Variants in CDKL4 observed in about 807,000 individuals in gnomAD.
The protein encoded by CDKL4 is cyclin dependent kinase like 4, also known as cyclin-dependent kinase-like 4.
A neutral mutation model predicts 42.0 loss-of-function variants in CDKL4; 44 were observed. The observed-to-expected ratio is 1.05, with a 90% CI of 0.82 to 1.35. The LOEUF is 1.35. Among genes scored for constraint, CDKL4 ranks in the 40% most tolerant of loss-of-function variants. The pLI is 0.00. For missense variants in CDKL4, 393 were observed against 369.9 expected, an observed-to-expected ratio of 1.06 and a Z score of -0.51; for synonymous variants, 120 against 121.6, an observed-to-expected ratio of 0.99 and a Z score of 0.09.
rs772768569 is a variant in CDKL4, at chr2:39,187,725, C to T, written c.653-16G>A. On this transcript the variant is annotated splice_polypyrimidine_tract_variant and intron_variant, in intron 6 of 9. Coordinates refer to ENST00000451199, the Ensembl canonical transcript of CDKL4. ...ATTAATTTTCCTGTAAAATACAAAC[C>T]ACATAATTCATCATAAATTTGGCAA... 6.5e-7 allele frequency: 1 copy of T among 1,546,038 alleles called. No individual in the cohort carries two copies. Among genetic ancestry groups the T allele is most frequent in the Non-Finnish European group, 8.9e-7 (1 of 1,121,116 alleles).
At chr2:39,179,930 G>C (rs770367544) in intron 8 of CDKL4, among the ~76,000 whole-genome samples, 7 of 152,252 alleles carry the variant, frequency 4.6e-5, no homozygotes, top group Non-Finnish European at 1.0e-4. Flanking sequence ...GTGACATTAT[G>C]ACCCTTCTAT....
At chr2:39,238,955 T>C (rs1216768104) in intron 1 of CDKL4, among the ~76,000 whole-genome samples, 1 of 152,240 alleles carries the variant, frequency 6.6e-6, no homozygotes, top group Non-Finnish European at 1.5e-5. Context: ...TTTCACCATG[T>C]TGGCCAGGCT....
intron 6 of CDKL4, among the ~76,000 whole-genome samples, chr2:39,188,016 T>C (rs1421938684): frequency 6.6e-6 from 1 of 150,614 alleles, no homozygotes; most frequent in East Asian, 2.0e-4. Context: ...TGCAGTGAGC[T>C]GAGATCATGC....
downstream of CDKL4, among the ~76,000 whole-genome samples, chr2:39,173,278 G>C (rs576174959): frequency 6.6e-5 from 10 of 152,276 alleles, no homozygotes; most frequent in Non-Finnish European, 1.5e-4. Flanking sequence ...TAATAAGAAG[G>C]CTTAAATGAA....
intron 5 of CDKL4, among the ~76,000 whole-genome samples, chr2:39,197,604 T>C (rs572696749): frequency 2.4e-4 from 36 of 152,312 alleles, no homozygotes; most frequent in Non-Finnish European, 4.1e-4. Flanking sequence ...CATCAGGTAC[T>C]ATAAAGGAAA....
chr2:39,190,610 C>A, intron 5 of CDKL4, 108 bp from the exon 6 acceptor site: 1 of 863,464 alleles, frequency 1.2e-6, no homozygotes, highest in Non-Finnish European at 1.9e-6. Flanking sequence ...GGCCATGATA[C>A]TCTTAAGGGT....
chr2:39,226,853 G>C (rs896808354), intron 2 of CDKL4, among the ~76,000 whole-genome samples: 1 of 151,136 alleles, frequency 6.6e-6, no homozygotes, highest in African/African-American at 2.4e-5. Context: ...TACAACCTCC[G>C]CCTCCTGGTT....
intron 5 of CDKL4, among the ~76,000 whole-genome samples, chr2:39,203,985 G>A (rs1282298653): frequency 6.6e-6 from 1 of 152,176 alleles, no homozygotes; most frequent in Non-Finnish European, 1.5e-5. Flanking sequence ...TTTGTCTGCT[G>A]TAAAGTTCTA....
At chr2:39,189,418 A>G (rs1676040854) in intron 6 of CDKL4, among the ~76,000 whole-genome samples, 1 of 152,260 alleles carries the variant, frequency 6.6e-6, no homozygotes, top group African/African-American at 2.4e-5. Flanking sequence ...ACATAGGCAC[A>G]ATTAAAAACA....
chr2:39,190,469 G>A (rs201345173), exon 6 of CDKL4: 17 of 1,614,010 alleles, frequency 1.1e-5, no homozygotes, highest in African/African-American at 2.7e-5. Flanking sequence ...GTACCATCTC[G>A]TAGCTACATA....
chr2:39,181,941 C>T (rs545849622), intron 8 of CDKL4, among the ~76,000 whole-genome samples: 1 of 152,064 alleles, frequency 6.6e-6, no homozygotes, highest in Non-Finnish European at 1.5e-5. Flanking sequence ...TAAGTCCTAT[C>T]GGTTTTCCTT....
intron 3 of CDKL4, among the ~76,000 whole-genome samples, chr2:39,214,608 G>C (rs1677801399): frequency 6.6e-6 from 1 of 152,166 alleles, no homozygotes; most frequent in South Asian, 2.1e-4. Flanking sequence ...ACCAATGGTA[G>C]GCACCCATTA....
chr2:39,223,838 T>G (rs990825531), intron 3 of CDKL4, among the ~76,000 whole-genome samples: 1 of 152,088 alleles, frequency 6.6e-6, no homozygotes, highest in African/African-American at 2.4e-5. Context: ...GCTCAGCTGA[T>G]CCACCTGCCT....
At chr2:39,231,436 G>A (rs1679086515) in intron 1 of CDKL4, among the ~76,000 whole-genome samples, 1 of 152,032 alleles carries the variant, frequency 6.6e-6, no homozygotes, top group South Asian at 2.1e-4. Context: ...ACTTCCACTT[G>A]CCACCATAAA....
At chr2:39,211,441 T>C (rs1677583876) in intron 4 of CDKL4, among the ~76,000 whole-genome samples, 1 of 152,076 alleles carries the variant, frequency 6.6e-6, no homozygotes, top group Non-Finnish European at 1.5e-5. Context: ...GAAGCTCATG[T>C]TGGCCTAAGA....
At chr2:39,234,571 C>G (rs1679258106) in intron 1 of CDKL4, among the ~76,000 whole-genome samples, 1 of 151,990 alleles carries the variant, frequency 6.6e-6, no homozygotes, top group South Asian at 2.1e-4. Context: ...ATAAAATTTT[C>G]TGGAAATAAA....
intron 3 of CDKL4, among the ~76,000 whole-genome samples, chr2:39,221,196 T>A (rs897063907): frequency 5.3e-5 from 8 of 151,280 alleles, no homozygotes; most frequent in African/African-American, 1.9e-4. Context: ...TTGTATTTTT[T>A]AGAAGATATG....
chr2:39,176,357 T>C (rs890886749), intron 9 of CDKL4, among the ~76,000 whole-genome samples: 4 of 152,206 alleles, frequency 2.6e-5, no homozygotes, highest in Admixed American at 1.3e-4. Context: ...ATCTAGTCAA[T>C]ACTTAAAAGG....
upstream of CDKL4, among the ~76,000 whole-genome samples, chr2:39,245,154 C>T (rs922567507): frequency 2.0e-5 from 3 of 152,184 alleles, no homozygotes; most frequent in African/African-American, 7.2e-5. Flanking sequence ...TTTGTTCTTT[C>T]GCTCTTTGCA....
Sources: allele counts gnomAD v4.1 joint callset (sites outside exome capture counted in the v4.1 genomes callset), GRCh38; gene constraint gnomAD v4.1.1; transcripts MANE v1.5; gene names NCBI Gene and HGNC (gene_info 2026-07-23, HGNC 2026-07-21).